Variants in XYLT2 observed in about 807,000 individuals in gnomAD.
XYLT2 encodes the protein xylosyltransferase 2, also known as UDP-D-xylose:proteoglycan core protein beta-D-xylosyltransferase.
A neutral mutation model predicts 82.6 loss-of-function variants in XYLT2; 37 were observed. The observed-to-expected ratio is 0.45, with a 90% CI of 0.34 to 0.59. XYLT2 has a LOEUF of 0.59. Among genes scored for constraint, XYLT2 ranks in the 20% least tolerant of loss-of-function variants. The pLI, the probability that XYLT2 is intolerant of heterozygous loss-of-function variation, is 0.01. For missense variants in XYLT2, 934 were observed against 1,181.3 expected, an observed-to-expected ratio of 0.79 and a Z score of 3.07; for synonymous variants, 474 against 499.0, an observed-to-expected ratio of 0.95 and a Z score of 0.67.
intron 5 of XYLT2, 36 bp from the exon 6 acceptor site, chr17:50,355,745 C>CA: frequency 6.2e-7 from 1 of 1,610,602 alleles, no homozygotes; most frequent in South Asian, 1.1e-5. Context: ...CCCCACCCTG[C>CA]AGGATCCCCA....
chr17:50,354,402 T>C lies in XYLT2; in HGVS notation c.629-6T>C, dbSNP rs753047226. 6.2e-7 allele frequency: 1 copy of C among 1,603,790 alleles called. No individual in the cohort carries two copies. The highest frequency in any genetic ancestry group is 8.5e-7 in the Non-Finnish European group (1 of 1,174,962). The stretch of plus-strand genomic sequence containing the variant: ...GGCCTCGCCAACGCCTGTCCTCTGC[T>C]CTCAGGGAAGATGAGCCCCGGCATC... On this transcript the variant is annotated splice_polypyrimidine_tract_variant and splice_region_variant and intron_variant, in intron 2 of 10. Transcript: ENST00000017003.
At chr17:50,354,381 T>C in intron 2 of XYLT2, 27 bp from the exon 3 acceptor site, 1 of 1,579,510 alleles carries the variant, frequency 6.3e-7, no homozygotes, top group Non-Finnish European at 8.6e-7. Context: ...AGGGTGGGCC[T>C]CGCCAACGCC....
rs1483985025 is a variant in XYLT2 at position 50,355,839 on chromosome 17, C to T, written c.1147C>T (p.Arg383Cys). ...LFHECDSHMWRLGERQIPAGI... is the reference protein window; with the variant it reads ...LFHECDSHMWCLGERQIPAGI... ...CCATGAGTGCGACTCACACATGTGG[C>T]GCCTGGGCGAGCGGCAGATCCCAGC... Residue 383 changes from arginine (R) to cysteine (C), a missense_variant, in exon 6 of 11, where the codon CGC (arginine) becomes TGC (cysteine). By Grantham distance (180) the Arg-to-Cys change is radical. Around this residue, in one of 3 missense-constraint regions of XYLT2, gnomAD observed 189 missense variants for 320.8 expected, o/e 0.59. Coordinates refer to ENST00000017003, the MANE Select transcript of XYLT2 (RefSeq NM_022167.4). 1.2e-6 allele frequency: 2 copies of T among 1,614,116 alleles called. No homozygotes were observed. Among genetic ancestry groups the T allele is most frequent in the Non-Finnish European group, 8.5e-7 (1 of 1,180,054 alleles).
rs369917912 is a variant in XYLT2 at position 50,356,611 on chromosome 17, C to A, written c.1583C>A (p.Pro528His). Reference sequence around the variant, plus strand: ...TTCCACCTGTATGGCAGCTACCCCCCCGGCACGCCAGCCCTCAAGGCCTAC... The same window carrying A: ...TTCCACCTGTATGGCAGCTACCCCCACGGCACGCCAGCCCTCAAGGCCTAC... ...LDFHLYGSYP[P>H]GTPALKAYWE... is the part of the protein sequence containing the mutation. Residue 528 changes from proline (P) to histidine (H), a missense_variant, in exon 8 of 11, where the codon CCC (proline) becomes CAC (histidine). Pro to His is a moderately conservative substitution (Grantham distance 77, BLOSUM62 -2). Transcript: ENST00000017003. The A allele has an allele frequency of 1.4e-5, 22 of 1,614,044 alleles. No homozygotes were observed. Among genetic ancestry groups the A allele is most frequent in the Non-Finnish European group, 1.6e-5 (19 of 1,180,020 alleles).
rs739989 is a variant in XYLT2 at position 50,353,836 on chromosome 17, C to T, written c.342C>T (p.Pro114=). ...RASRRVPPAP[P]PEAPGRQNLS... ...GCCGGCGGGTCCCACCTGCCCCACC[C>T]CCGGAAGCCCCAGGCCGCCAGAACC... The change falls in exon 2 of 11, where the codon CCC becomes CCT. Residue 114 remains proline, a synonymous_variant. Coordinates refer to ENST00000017003, the MANE Select transcript of XYLT2 (RefSeq NM_022167.4). 350,407 of 1,593,286 alleles carry T rather than the reference C, an allele frequency of 0.22. 41,226 individuals are homozygous for T. The highest frequency in any genetic ancestry group is 0.26 in the Admixed American group (14,736 of 56,670).
chr17:50,357,077 C>T lies in XYLT2; in HGVS notation c.1766C>T (p.Pro589Leu), dbSNP rs1162733060. The T allele has an allele frequency of 1.6e-5, 26 of 1,607,518 alleles. No homozygotes were observed. The highest frequency in any genetic ancestry group is 2.0e-5 in the Non-Finnish European group (23 of 1,176,428). ...CTTAGGTTTGAGCCCAGGGGCTTGC[C>T]GTCCAGCGTGCACCTGTATTTCTAT... ...PLCRFEPRGLPSSVHLYFYDD... is the reference protein window; with the variant it reads ...PLCRFEPRGLLSSVHLYFYDD... Residue 589 changes from proline (P) to leucine (L), a missense_variant, in exon 9 of 11, where the codon CCG becomes CTG. Pro to Leu is a moderately conservative substitution (Grantham distance 98, BLOSUM62 -3). This residue lies in a region of XYLT2 where 374 missense variants were observed against 465.6 expected (regional missense o/e 0.80). Transcript: ENST00000017003.
intron 1 of XYLT2, among the ~76,000 whole-genome samples, chr17:50,353,146 C>T (rs1912340344): frequency 6.6e-6 from 1 of 152,242 alleles, no homozygotes; most frequent in African/African-American, 2.4e-5. Flanking sequence ...TGTGAGGTGG[C>T]CTCAGTCTTC....
rs369645772 is a variant in XYLT2 at position 50,355,538 on chromosome 17, C to G, written c.1045C>G (p.Arg349Gly). 1 of 1,613,964 alleles carries G rather than the reference C, an allele frequency of 6.2e-7. No homozygotes were observed. ...GCTGGTGGCATTCCTATCCAAGAAC[C>G]GGGACAAGAATTTCCTCAAGTCACA... is the stretch of plus-strand genomic sequence containing the variant. The part of the protein sequence containing the change: ...EELVAFLSKN[R>G]DKNFLKSHGR... The change falls in exon 5 of 11, where the codon CGG becomes GGG. Residue 349 changes from arginine to glycine, a missense_variant. Around this residue, in one of 3 missense-constraint regions of XYLT2, gnomAD observed 189 missense variants for 320.8 expected, o/e 0.59. Transcript: ENST00000017003.
intron 1 of XYLT2, among the ~76,000 whole-genome samples, chr17:50,350,756 G>T (rs548931626): frequency 1.3e-5 from 2 of 152,204 alleles, no homozygotes; most frequent in African/African-American, 4.8e-5. Context: ...ATGGTGAAAA[G>T]CAGAGGAGGA....
At chr17:50,351,182 G>A (rs1379606647) in intron 1 of XYLT2, among the ~76,000 whole-genome samples, 7 of 152,162 alleles carry the variant, frequency 4.6e-5, no homozygotes, top group Admixed American at 2.0e-4. Flanking sequence ...TGATGAGAAC[G>A]GAATTTAGGG....
intron 8 of XYLT2, 55 bp downstream of exon 8, chr17:50,356,828 A>G: frequency 6.4e-7 from 1 of 1,553,178 alleles, no homozygotes; most frequent in Non-Finnish European, 8.7e-7. Flanking sequence ...CCCTAGGGGG[A>G]GGCCAACCAG....
chr17:50,357,396 T>C, intron 9 of XYLT2, 144 bp downstream of exon 9: 1 of 785,346 alleles, frequency 1.3e-6, no homozygotes, highest in Non-Finnish European at 2.0e-6. Context: ...AGACATCCTG[T>C]GTCACCCCCC....
chr17:50,355,111 C>T (rs1912462184), intron 4 of XYLT2, 55 bp downstream of exon 4: 1 of 1,506,908 alleles, frequency 6.6e-7, no homozygotes, highest in African/African-American at 1.4e-5. Flanking sequence ...TGTCTGGGCA[C>T]CTGGGGTTGG....
rs1912781120 is a variant in XYLT2 at position 50,360,905 on chromosome 17, G to T, written c.*614G>T. On this transcript the variant is annotated 3_prime_UTR_variant, in exon 11 of 11. Coordinates refer to ENST00000017003, the MANE Select transcript of XYLT2 (RefSeq NM_022167.4). ...CAGGACAGTTCTTTTGTAGCCAGGG[G>T]ACCCTAGAAGTGGGGTGGGGCGGCT... 1 of 985,918 alleles carries T rather than the reference G, an allele frequency of 1.0e-6. No individual in the cohort carries two copies. The highest frequency in any genetic ancestry group is 1.2e-6 in the Non-Finnish European group (1 of 830,004). The allele number at this position is 985,918 out of a possible 1,614,324, so 61.1% of individuals were successfully genotyped here. A position where few individuals can be genotyped will look rare whatever the true frequency, so the allele number is the denominator to read the frequency against.
Position 50,355,025 on chromosome 17 carries a change from A to G in XYLT2, c.976A>G (p.Ile326Val). The G allele has an allele frequency of 1.3e-6, 2 of 1,541,178 alleles. No individual in the cohort carries two copies. Among genetic ancestry groups the G allele is most frequent in the Non-Finnish European group, 1.7e-6 (2 of 1,143,978 alleles). The stretch of plus-strand genomic sequence containing the variant: ...GCCTGGCTGGGCCTGGGACTTCTTC[A>G]TCAACCTCAGTGCCACTGACTATCC... ...EVPGWAWDFF[I>V]NLSATDYPTR... The change falls in exon 4 of 11, where the codon ATC becomes GTC. Residue 326 changes from isoleucine to valine, a missense_variant. Physicochemically the swap from Ile to Val is conservative, Grantham distance 29. Coordinates refer to ENST00000017003, the MANE Select transcript of XYLT2 (RefSeq NM_022167.4).
At position 50,358,540 on chromosome 17, in the gene XYLT2, G is replaced by T; in HGVS notation, c.2275G>T (p.Asp759Tyr). 6.2e-7 allele frequency: 1 copy of T among 1,610,416 alleles called. No homozygotes were observed. The highest frequency in any genetic ancestry group is 8.5e-7 in the Non-Finnish European group (1 of 1,177,436). The change falls in exon 10 of 11, where the codon GAT becomes TAT. Residue 759 changes from aspartate to tyrosine, a missense_variant and splice_region_variant. Physicochemically the swap from Asp to Tyr is radical, Grantham distance 160. This residue lies in a region of XYLT2 where 374 missense variants were observed against 465.6 expected (regional missense o/e 0.80). Transcript: ENST00000017003. ...TFNRKLPLRKDDASWLHAGPP... is the reference protein window; with the variant it reads ...TFNRKLPLRKYDASWLHAGPP... ...CAACCGCAAACTACCTCTCAGGAAAGGTAAGCGTGCAGTTCTCAAATGAGG... is the reference window on the plus strand; with the variant it reads ...CAACCGCAAACTACCTCTCAGGAAATGTAAGCGTGCAGTTCTCAAATGAGG...
intron 10 of XYLT2, chr17:50,359,695 G>T: frequency 2.2e-6 from 1 of 460,712 alleles, no homozygotes; most frequent in Non-Finnish European, 3.9e-6. Flanking sequence ...AAGGGTATGG[G>T]ACACAAACCA....
chr17:50,354,921 C>G lies in XYLT2; in HGVS notation c.872C>G (p.Pro291Arg), dbSNP rs779991481. The G allele has an allele frequency of 1.2e-6, 2 of 1,605,836 alleles. No homozygotes were observed. Among genetic ancestry groups the G allele is most frequent in the Non-Finnish European group, 1.7e-6 (2 of 1,175,820 alleles). Residue 291 changes from proline to arginine, a missense_variant, in exon 4 of 11, where the codon CCC (proline) becomes CGC (arginine). Pro to Arg is a moderately radical substitution (Grantham distance 103, BLOSUM62 -2). This residue lies in a region of XYLT2 where 189 missense variants were observed against 320.8 expected (regional missense o/e 0.59). Transcript: ENST00000017003. ...GGCTATGATAACGTGCGGGTGACGC[C>G]CTGGCGCATGGTTACCATCTGGGGC... ...AQGYDNVRVT[P>R]WRMVTIWGGA...
At chr17:50,358,805 C>T (rs977582377) in intron 10 of XYLT2, among the ~76,000 whole-genome samples, 1 of 152,250 alleles carries the variant, frequency 6.6e-6, no homozygotes, top group Non-Finnish European at 1.5e-5. Context: ...TGGAAGTTAC[C>T]TGGCCTTCCT....
Sources: allele counts gnomAD v4.1 joint callset (sites outside exome capture counted in the v4.1 genomes callset), GRCh38; gene constraint gnomAD v4.1.1; regional missense constraint gnomAD v4.1.1; transcripts MANE v1.5; gene names NCBI Gene and HGNC (gene_info 2026-07-23, HGNC 2026-07-21).